Variants in MDN1 observed in about 807,000 individuals in gnomAD.
MDN1 encodes midasin.
MDN1 carries 266 observed loss-of-function variants against 669.2 expected under a neutral mutation model. The ratio of observed to expected loss-of-function variants is 0.40; its 90% CI spans 0.36 to 0.44. The LOEUF (loss-of-function observed/expected upper bound fraction) is 0.44, where lower values mean the gene tolerates loss of function less well. MDN1 is among the 20% of genes least tolerant of loss of function. The probability of loss-of-function intolerance (pLI) is 1.00; values close to 1 mark genes in which losing one functional copy is unlikely to be tolerated. For missense variants in MDN1, 5,940 were observed against 6,754.0 expected (o/e 0.88, Z 4.22); for synonymous variants, 2,385 against 2,457.1 (o/e 0.97, Z 0.87).
intron 4 of MDN1, 55 bp downstream of exon 4, chr6:89,794,045 A>G (rs1027142385): frequency 6.8e-7 from 1 of 1,461,052 alleles, no homozygotes; most frequent in African/African-American, 1.4e-5. Flanking sequence ...ACCCCCAGAA[A>G]AGAAAAAAAA....
chr6:89,700,369 A>G (rs1275228011), intron 56 of MDN1, 75 bp from the exon 57 acceptor site: 3 of 1,156,666 alleles, frequency 2.6e-6, no homozygotes, highest in Admixed American at 3.7e-5. Flanking sequence ...ACAACCTGCT[A>G]TGTGACTGCA....
In MDN1 at chr6:89,673,336, T is replaced by C. The variant is rs1384455001; in HGVS notation, c.13374A>G (p.Ala4458=). 3.1e-6 allele frequency: 5 copies of C among 1,614,178 alleles called. No homozygotes were observed. Among genetic ancestry groups the C allele is most frequent in the Non-Finnish European group, 4.2e-6 (5 of 1,180,018 alleles). The part of the protein sequence containing the change: ...MEVEQRDSQM[A]LVESLEYVRG... ...TTACATATTCCAGACTTTCAACTAG[T>C]GCCATTTGTGAGTCTCTTTGCTCAA... Residue 4458 remains alanine (A), a synonymous_variant, in exon 80 of 102, where the codon GCA becomes GCG. Coordinates refer to ENST00000369393, the MANE Select transcript of MDN1 (RefSeq NM_014611.3).
chr6:89,743,683 C>T lies in MDN1; in HGVS notation c.4210G>A (p.Ala1404Thr), dbSNP rs770189107. 3 of 1,614,092 alleles carry T rather than the reference C, an allele frequency of 1.9e-6. No individual in the cohort carries two copies. The highest frequency in any genetic ancestry group is 2.5e-6 in the Non-Finnish European group (3 of 1,179,958). The stretch of plus-strand genomic sequence containing the variant: ...TATAATTTCTGATTTGCCAAGGCTG[C>T]AAATACCTGACAGATAGTAGTTTTC... ...CGKTTICQVF[A>T]ALANQKLYSV... Residue 1404 changes from alanine (A) to threonine (T), a missense_variant, in exon 30 of 102, where the codon GCA (alanine) becomes ACA (threonine). By Grantham distance (58) the Ala-to-Thr change is moderately conservative. Coordinates refer to ENST00000369393, the MANE Select transcript of MDN1 (RefSeq NM_014611.3).
In MDN1 at chr6:89,664,736, GA is replaced by G. The variant is rs929373728; in HGVS notation, c.14095-109del. The G allele has an allele frequency of 5.7e-4, 450 of 786,438 alleles. 3 individuals carry two copies. Among genetic ancestry groups the G allele is most frequent in the African/African-American group, 4.9e-3 (270 of 54,834 alleles). The allele number at this position is 786,438 out of a possible 1,614,324, so 48.7% of individuals were successfully genotyped here. The stretch of plus-strand genomic sequence containing the variant: ...TGGTGTAAAAATATATCTGGGAGAG[GA>G]AAAAAAAAGAGAAACAACAGAGACA... On this transcript the variant is annotated intron_variant, in intron 84 of 101. Coordinates refer to ENST00000369393, the MANE Select transcript of MDN1 (RefSeq NM_014611.3).
chr6:89,800,981 GT>G (rs763802213), intron 2 of MDN1, among the ~76,000 whole-genome samples: 1 of 152,196 alleles, frequency 6.6e-6, no homozygotes, highest in African/African-American at 2.4e-5. Flanking sequence ...AAAAGGAACT[GT>G]TTTTTTCTTC....
At chr6:89,789,049 G>T (rs933945839) in intron 7 of MDN1, among the ~76,000 whole-genome samples, 1 of 152,106 alleles carries the variant, frequency 6.6e-6, no homozygotes, top group African/African-American at 2.4e-5. Flanking sequence ...GCTGGAGCCC[G>T]GGAGACGGAG....
rs776590217 is a variant in MDN1, at chr6:89,729,030, G to A, written c.5250C>T (p.Leu1750=). The change falls in exon 36 of 102, where the codon CTC becomes CTT. Residue 1750 remains leucine (L), a synonymous_variant. Coordinates refer to ENST00000369393, the MANE Select transcript of MDN1 (RefSeq NM_014611.3). The stretch of plus-strand genomic sequence containing the variant: ...TGCCAACACCAGGGGAACCCTCCAG[G>A]AGAATGGGCTTCTTCAGTTTGGTAG... ...LRATKLKKPI[L]LEGSPGVGKT... is the part of the protein sequence containing the mutation. The A allele has an allele frequency of 1.3e-5, 21 of 1,614,130 alleles. No homozygotes were observed. The highest frequency in any genetic ancestry group is 1.8e-5 in the Non-Finnish European group (21 of 1,180,002).
rs1426200195 is a variant in MDN1 at position 89,684,784 on chromosome 6, C to T, written c.11829+92G>A. ...TGCTCACCTCTATTCCCCTAGGTCC[C>T]TGCCTCAGTGTTAAATGGATAACAG... On this transcript the variant is annotated intron_variant, in intron 71 of 101. Transcript: ENST00000369393. 4.0e-6 allele frequency: 3 copies of T among 755,514 alleles called. No homozygotes were observed. The highest frequency in any genetic ancestry group is 2.2e-6 in the Non-Finnish European group (1 of 450,470). The allele number at this position is 755,514 out of a possible 1,614,324, so 46.8% of individuals were successfully genotyped here.
intron 53 of MDN1, among the ~76,000 whole-genome samples, chr6:89,703,459 T>G (rs1813303160): frequency 6.6e-6 from 1 of 151,870 alleles, no homozygotes; most frequent in South Asian, 2.1e-4. Context: ...TAATACAGGG[T>G]TGCAATGCAA....
At chr6:89,683,079 G>A in intron 73 of MDN1, 53 bp downstream of exon 73, 3 of 1,574,248 alleles carry the variant, frequency 1.9e-6, no homozygotes, top group Non-Finnish European at 1.7e-6. Context: ...ATAAAACACA[G>A]ATCCCACTTG....
At chr6:89,788,839 AGGAAGGCCGGGCGC>A (rs1159797509) in intron 7 of MDN1, among the ~76,000 whole-genome samples, 3 of 152,180 alleles carry the variant, frequency 2.0e-5, no homozygotes, top group African/African-American at 7.2e-5. Context: ...TAAAGAGGTA[AGGAAGGCCGGGCGC>A]GGTGGCTCAC....
At chr6:89,699,854 T>C in intron 57 of MDN1, 127 bp from the exon 58 acceptor site, 1 of 1,173,136 alleles carries the variant, frequency 8.5e-7, no homozygotes, top group Non-Finnish European at 1.2e-6. Context: ...ACAACTCTAC[T>C]GATAAAATTC....
At chr6:89,768,354 G>C (rs569551510) in intron 15 of MDN1, among the ~76,000 whole-genome samples, 8 of 152,170 alleles carry the variant, frequency 5.3e-5, no homozygotes, top group African/African-American at 1.9e-4. Flanking sequence ...TTTATAAAGG[G>C]GAGTTCCCTA....
At position 89,710,663 on chromosome 6, in the gene MDN1, G is replaced by C; in HGVS notation, c.7765+18C>G. The C allele has an allele frequency of 7.0e-7, 1 of 1,419,182 alleles. No homozygotes were observed. Among genetic ancestry groups the C allele is most frequent in the Non-Finnish European group, 9.6e-7 (1 of 1,041,234 alleles). 87.9% of individuals were successfully genotyped at this position (1,419,182 alleles called of 1,614,324 possible). ...GTTTCCAAAACAGTGCTGAGAGCTAGAAATCAAAAGTGCATACCTGTTGTA... is the reference window on the plus strand; with the variant it reads ...GTTTCCAAAACAGTGCTGAGAGCTACAAATCAAAAGTGCATACCTGTTGTA... On this transcript the variant is annotated intron_variant, in intron 50 of 101. Coordinates refer to ENST00000369393, the MANE Select transcript of MDN1 (RefSeq NM_014611.3).
intron 69 of MDN1, 24 bp from the exon 70 acceptor site, chr6:89,685,997 T>C (rs2089593012): frequency 6.2e-7 from 1 of 1,608,136 alleles, no homozygotes; most frequent in Admixed American, 1.7e-5. Context: ...AAGAGAAAAA[T>C]ATATATGTTC....
chr6:89,697,361 T>G (rs1015954986), intron 59 of MDN1, among the ~76,000 whole-genome samples: 1 of 151,914 alleles, frequency 6.6e-6, no homozygotes, highest in Non-Finnish European at 1.5e-5. Flanking sequence ...GAACTCGAAG[T>G]GATGGAGGAA....
At chr6:89,670,158 ATATATATATATAT>A (rs1810583236) in intron 83 of MDN1, among the ~76,000 whole-genome samples, 3 of 24,344 alleles carry the variant, frequency 1.2e-4, no homozygotes, top group African/African-American at 7.7e-4. Context: ...ATATATATAT[ATATATATATATAT>A]TTTTTTTTTT....
Position 89,718,779 on chromosome 6 carries a change from A to G in MDN1, c.6309T>C (p.Gly2103=). The change falls in exon 42 of 102, where the codon GGT becomes GGC. Residue 2103 remains glycine (G), a synonymous_variant. Transcript: ENST00000369393. ...GCAGACTGGTTACCTGCTCAAATCCACCCAGCAGCTCAGTAGTATCCATTG... is the reference window on the plus strand; with the variant it reads ...GCAGACTGGTTACCTGCTCAAATCCGCCCAGCAGCTCAGTAGTATCCATTG... The part of the protein sequence containing the change: ...NSAMDTTELL[G]GFEQVDLIRP... 1 of 1,613,624 alleles carries G rather than the reference A, an allele frequency of 6.2e-7. No individual in the cohort carries two copies. The highest frequency in any genetic ancestry group is 8.5e-7 in the Non-Finnish European group (1 of 1,179,622).
In MDN1 at chr6:89,707,455, C is replaced by A; in HGVS notation, c.7920G>T (p.Arg2640=). ...TTGCTTCAGTAAAAACCCGTTTTTC[C>A]CGGTCAAGATATATGATTGTCCTGG... is the stretch of plus-strand genomic sequence containing the variant. ...AANKTIIYLD[R]EKRVFTEANL... is the part of the protein sequence containing the mutation. Residue 2640 remains arginine (R), a synonymous_variant, in exon 52 of 102, where the codon CGG becomes CGT. Coordinates refer to ENST00000369393, the MANE Select transcript of MDN1 (RefSeq NM_014611.3). The A allele has an allele frequency of 1.2e-6, 2 of 1,612,386 alleles. No individual in the cohort carries two copies. Among genetic ancestry groups the A allele is most frequent in the Non-Finnish European group, 8.5e-7 (1 of 1,178,530 alleles).
Sources: gnomAD v4.1 joint callset for allele counts (sites outside exome capture counted in the v4.1 genomes callset) on GRCh38, gnomAD v4.1.1 for gene constraint, MANE v1.5 for transcripts, NCBI Gene and HGNC (gene_info 2026-07-23, HGNC 2026-07-21) for gene names.